The following VTI1A variants were observed in gnomAD, a reference collection of about 807,000 sequenced individuals.
VTI1A encodes vesicle transport through interaction with t-SNAREs 1A.
Under a neutral mutation model 34.9 loss-of-function variants are expected in VTI1A, and 22 were observed. That is an observed-to-expected ratio of 0.63 (90% CI 0.45 to 0.90). The LOEUF is 0.90. Among genes scored for constraint, VTI1A ranks in the 40% least tolerant of loss-of-function variants. The pLI is 0.00. For missense variants in VTI1A, 268 were observed against 275.6 expected (o/e 0.97, Z 0.20); for synonymous variants, 87 against 97.3 (o/e 0.89, Z 0.62).
intron 5 of VTI1A, among the ~76,000 whole-genome samples, chr10:112,616,159 T>C (rs569848777): frequency 2.6e-5 from 4 of 152,118 alleles, no homozygotes; most frequent in African/African-American, 9.6e-5. Context: ...AGAGAAGCAG[T>C]GGGTTGAAAT....
chr10:112,721,331 G>A (rs1023417665), intron 7 of VTI1A, among the ~76,000 whole-genome samples: 10 of 152,168 alleles, frequency 6.6e-5, no homozygotes, highest in Admixed American at 3.9e-4. Flanking sequence ...ATTTAGCAAC[G>A]CTACAATACC....
At chr10:112,585,514 T>G (rs1844113062) in intron 5 of VTI1A, among the ~76,000 whole-genome samples, 1 of 152,208 alleles carries the variant, frequency 6.6e-6, no homozygotes, top group African/African-American at 2.4e-5. Context: ...TGCAATGATT[T>G]GCCAAGCTTG....
chr10:112,844,389 C>G, the VTI1A span, among the ~76,000 whole-genome samples: 24 of 152,122 alleles, frequency 1.6e-4, no homozygotes, highest in Non-Finnish European at 2.6e-4. Flanking sequence ...GCTCTGAGGT[C>G]ATGGAAAGGA....
intron 5 of VTI1A, among the ~76,000 whole-genome samples, chr10:112,613,875 A>G (rs542343523): frequency 2.0e-5 from 3 of 152,338 alleles, no homozygotes; most frequent in East Asian, 3.9e-4. Context: ...CGAGTCTGTC[A>G]TGCGTCAGCC....
chr10:112,829,223 C>G, the VTI1A span, among the ~76,000 whole-genome samples: 3 of 151,916 alleles, frequency 2.0e-5, no homozygotes, highest in East Asian at 5.8e-4. Context: ...GGCAGGCAGA[C>G]CACGAGGTCA....
chr10:112,452,379 C>T (rs1847271993), intron 1 of VTI1A, among the ~76,000 whole-genome samples: 3 of 152,074 alleles, frequency 2.0e-5, no homozygotes, highest in African/African-American at 4.8e-5. Flanking sequence ...ACCATCCTGG[C>T]CAACATGGAG....
chr10:112,672,041 G>A (rs955163132), intron 7 of VTI1A: 1 of 151,976 alleles, frequency 6.6e-6, no homozygotes, highest in Non-Finnish European at 1.5e-5. Flanking sequence ...CAAAATTAAC[G>A]GATTCTCAAA....
intron 5 of VTI1A, among the ~76,000 whole-genome samples, chr10:112,559,589 A>G (rs954068008): frequency 2.0e-5 from 3 of 152,058 alleles, no homozygotes; most frequent in Non-Finnish European, 2.9e-5. Context: ...CTCACCCTAC[A>G]TGCACCCCCC....
At chr10:112,814,281 A>G (rs745613238) in intron 7 of VTI1A, among the ~76,000 whole-genome samples, 1 of 151,934 alleles carries the variant, frequency 6.6e-6, no homozygotes. Context: ...GCTGCTTGGT[A>G]TTTGGAGGAG....
At chr10:112,458,142 T>C (rs1462125143) in intron 1 of VTI1A, among the ~76,000 whole-genome samples, 4 of 151,732 alleles carry the variant, frequency 2.6e-5, no homozygotes, top group Non-Finnish European at 4.4e-5. Flanking sequence ...GGGAGGCTTC[T>C]TTCTTTGTTT....
At chr10:112,794,425 G>C (rs1160919443) in intron 7 of VTI1A, among the ~76,000 whole-genome samples, 3 of 152,018 alleles carry the variant, frequency 2.0e-5, no homozygotes, top group Admixed American at 2.0e-4. Context: ...GGTCATGCAT[G>C]CCTGTGGTCC....
chr10:112,554,320 G>GC (rs1179710263), intron 5 of VTI1A, among the ~76,000 whole-genome samples: 13 of 152,164 alleles, frequency 8.5e-5, no homozygotes. Context: ...TTAACATAAT[G>GC]CAAGTTCTGG....
intron 7 of VTI1A, among the ~76,000 whole-genome samples, chr10:112,670,691 T>C (rs1004652774): frequency 6.6e-6 from 1 of 152,210 alleles, no homozygotes; most frequent in Non-Finnish European, 1.5e-5. Flanking sequence ...GAAATCATAA[T>C]AACGTGGTTG....
At chr10:112,641,751 G>A (rs2133779007) in intron 5 of VTI1A, among the ~76,000 whole-genome samples, 1 of 152,230 alleles carries the variant, frequency 6.6e-6, no homozygotes, top group East Asian at 1.9e-4. Flanking sequence ...TTGCAGTTAT[G>A]TTTTTTTATG....
At chr10:112,538,882 A>C (rs1488828737) in intron 5 of VTI1A, among the ~76,000 whole-genome samples, 4 of 152,186 alleles carry the variant, frequency 2.6e-5, no homozygotes, top group African/African-American at 9.7e-5. Flanking sequence ...GAGTAAGGCT[A>C]ATGTTCATGA....
intron 5 of VTI1A, among the ~76,000 whole-genome samples, chr10:112,585,740 G>T (rs1047696984): frequency 1.0e-4 from 15 of 144,106 alleles, no homozygotes; most frequent in Non-Finnish European, 1.9e-4. Flanking sequence ...ACTTTGGAAA[G>T]AATTAGCATA....
At chr10:112,766,789 T>A (rs961896079) in intron 7 of VTI1A, among the ~76,000 whole-genome samples, 1 of 152,196 alleles carries the variant, frequency 6.6e-6, no homozygotes, top group Non-Finnish European at 1.5e-5. Flanking sequence ...AAAGGAAATT[T>A]AACATAGCAT....
chr10:112,491,370 T>C (rs1848814835), intron 3 of VTI1A, among the ~76,000 whole-genome samples: 1 of 152,228 alleles, frequency 6.6e-6, no homozygotes, highest in Non-Finnish European at 1.5e-5. Context: ...GTAAGGCCAG[T>C]TACTTTCTCT....
chr10:112,737,356 A>C (rs1850524088), intron 7 of VTI1A: 1 of 1,026,380 alleles, frequency 9.7e-7, no homozygotes, highest in Admixed American at 5.8e-5. Context: ...TATTTTTAAA[A>C]GGAGGAATTT....
Sources: allele counts gnomAD v4.1 joint callset (sites outside exome capture counted in the v4.1 genomes callset), GRCh38; gene constraint gnomAD v4.1.1; transcripts MANE v1.5; gene names NCBI Gene and HGNC (gene_info 2026-07-23, HGNC 2026-07-21).